The following PLAGL1 variants were observed in gnomAD, a reference collection of about 807,000 sequenced individuals.
The protein encoded by PLAGL1 is PLAG1 like zinc finger 1.
Under a neutral mutation model 4.6 loss-of-function variants are expected in PLAGL1, and 1 was observed. That is an observed-to-expected ratio of 0.22 (90% confidence interval 0.08 to 1.03). The LOEUF is 1.03. Ranked by LOEUF, PLAGL1 falls within the 50% of genes least tolerant of loss-of-function variation. The pLI, the probability that PLAGL1 is intolerant of heterozygous loss-of-function variation, is 0.58. For missense variants in PLAGL1, 464 were observed against 570.4 expected (o/e 0.81, Z 1.90); for synonymous variants, 240 against 237.8 (o/e 1.01, Z -0.08).
At chr6:144,014,030 A>G (rs766495040) in intron 1 of PLAGL1, among the ~76,000 whole-genome samples, 1 of 152,184 alleles carries the variant, frequency 6.6e-6, no homozygotes, top group Non-Finnish European at 1.5e-5. Context: ...CTTTATATGG[A>G]AATGAAAAGA....
Position 144,000,411 on chromosome 6 carries a change from A to G in PLAGL1, c.-584+7679T>C, listed in dbSNP as rs561844138. On this transcript the variant is annotated intron_variant, in intron 1 of 7. Coordinates refer to ENST00000674357, the MANE Select transcript of PLAGL1 (RefSeq NM_001317162.2). This position sits in a 1 kb window ranked among gnomAD's most constrained non-coding sequence, Gnocchi z 4.1. ...AGTAACTAGCTGGTTAGAAAATAAG[A>G]AACTAAGAGAAACTATTCACAGTAG... Among the ~76,000 whole-genome samples the G allele has an allele frequency of 4.0e-4, 61 of 152,304 alleles. No homozygotes were observed. Among genetic ancestry groups the G allele is most frequent in the African/African-American group, 1.4e-3 (59 of 41,598 alleles).
rs2128564085 is a variant in PLAGL1 at position 143,964,880 on chromosome 6, AAAAC to A, written c.-430-66_-430-63del. 1 of 152,384 alleles carries A rather than the reference AAAAC, an allele frequency of 6.6e-6. No homozygotes were observed. Among genetic ancestry groups the A allele is most frequent in the East Asian group, 1.9e-4 (1 of 5,184 alleles). 9.4% of individuals were successfully genotyped at this position (152,384 alleles called of 1,614,324 possible). ...TCTTTATCTTGAGCTCTGAATTGCT[AAAAC>A]AAACAAAAACACCCAAGTGGGGGGG... On this transcript the variant is annotated intron_variant, in intron 4 of 7. Transcript: ENST00000674357. The surrounding 1 kb of genome is among the most constrained non-coding windows in gnomAD (Gnocchi z 4.3).
At chr6:144,029,269 C>T (rs1562589661) in intron 1 of PLAGL1, among the ~76,000 whole-genome samples, 1 of 151,966 alleles carries the variant, frequency 6.6e-6, no homozygotes, top group East Asian at 1.9e-4. Flanking sequence ...GCACAAACCC[C>T]AACAGCCACA....
Position 143,941,926 on chromosome 6 carries a change from G to C in PLAGL1, c.890C>G (p.Pro297Arg). 1 of 1,610,274 alleles carries C rather than the reference G, an allele frequency of 6.2e-7. No homozygotes were observed. The highest frequency in any genetic ancestry group is 8.5e-7 in the Non-Finnish European group (1 of 1,177,582). ...GGTGTTGTACTTGTGATTGGGAAGG[G>C]GTGGCGGAGGAGAGCCAGGGGATAC... ...PSVSPGSPPP[P>R]LPNHKYNTTS... The change falls in exon 8 of 8, where the codon CCC becomes CGC. Residue 297 changes from proline (P) to arginine (R), a missense_variant. By Grantham distance (103) the Pro-to-Arg change is moderately radical. Coordinates refer to ENST00000674357, the MANE Select transcript of PLAGL1 (RefSeq NM_001317162.2). This position sits in a 1 kb window ranked among gnomAD's most constrained non-coding sequence, Gnocchi z 6.0.
At position 144,036,156 on chromosome 6, in the gene PLAGL1, A is replaced by G. The variant is rs1797224896; in HGVS notation, c.-151+28312T>C. Among the ~76,000 whole-genome samples the G allele has an allele frequency of 6.6e-6, 1 of 152,164 alleles. No homozygotes were observed. The highest frequency in any genetic ancestry group is 2.1e-4 in the South Asian group (1 of 4,826). On this transcript the variant is annotated intron_variant, in intron 1 of 3. Coordinates refer to the PLAGL1 transcript ENST00000437412. This position sits in a 1 kb window ranked among gnomAD's most constrained non-coding sequence, Gnocchi z 5.1. ...CTCTGCCTCCAGAATGACTCCTTCC[A>G]ATGCTCACTAATGCTTAGGGGCCTG...
Position 144,004,951 on chromosome 6 carries a change from C to T in PLAGL1, c.-584+3139G>A, listed in dbSNP as rs887489383. 2 of 147,322 alleles carry T rather than the reference C, an allele frequency of 1.4e-5. No individual in the cohort carries two copies. The highest frequency in any genetic ancestry group is 5.0e-5 in the African/African-American group (2 of 40,196). 9.1% of individuals were successfully genotyped at this position (147,322 alleles called of 1,614,324 possible). A position where few individuals can be genotyped will look rare whatever the true frequency, so the allele number is the denominator to read the frequency against. On this transcript the variant is annotated intron_variant, in intron 1 of 7. Coordinates refer to ENST00000674357, the MANE Select transcript of PLAGL1 (RefSeq NM_001317162.2). This position sits in a 1 kb window ranked among gnomAD's most constrained non-coding sequence, Gnocchi z 4.2. ...GAGATTTTATTCATATATATATATA[C>T]ATTTATATAAATATATTTAATTTTT...
chr6:143,951,972 T>A (rs914914230), intron 6 of PLAGL1, among the ~76,000 whole-genome samples: 1 of 152,214 alleles, frequency 6.6e-6, no homozygotes, highest in African/African-American at 2.4e-5. Flanking sequence ...TAACTATGTA[T>A]TTCTTCCATA....
Position 144,050,488 on chromosome 6 carries a change from T to C in PLAGL1, c.-151+13980A>G, listed in dbSNP as rs1798501052. Among the ~76,000 whole-genome samples the C allele has an allele frequency of 6.6e-6, 1 of 152,246 alleles. No individual in the cohort carries two copies. Among genetic ancestry groups the C allele is most frequent in the East Asian group, 1.9e-4 (1 of 5,200 alleles). ...AGAGAAAGATTCTTCTACACTCTTTTAAGGCTGTCTCTTCTCTATGTTTAT... is the reference window on the plus strand; with the variant it reads ...AGAGAAAGATTCTTCTACACTCTTTCAAGGCTGTCTCTTCTCTATGTTTAT... On this transcript the variant is annotated intron_variant, in intron 1 of 3. Transcript: ENST00000437412. This position sits in a 1 kb window ranked among gnomAD's most constrained non-coding sequence, Gnocchi z 4.3.
chr6:144,013,069 G>T (rs530729533), upstream of PLAGL1, among the ~76,000 whole-genome samples: 1 of 152,290 alleles, frequency 6.6e-6, no homozygotes, highest in South Asian at 2.1e-4. The surrounding 1 kb of genome is among the most constrained non-coding windows in gnomAD (Gnocchi z 4.4). Flanking sequence ...TTGCCAGCGT[G>T]GTCACTGTAG....
rs116909908 is a variant in PLAGL1 at position 143,952,536 on chromosome 6, T to C, written c.-324-4076A>G. 9.5e-3 allele frequency among the ~76,000 whole-genome samples: 1,450 copies of C among 152,246 alleles called. 7 individuals carry two copies. Among genetic ancestry groups the C allele is most frequent in the Non-Finnish European group, 0.014 (950 of 68,010 alleles). ...GCCATCTGCTTCGTTCTGCTCATGT[T>C]GATTATTTTGGGGATGAGAGAGGAT... On this transcript the variant is annotated intron_variant, in intron 6 of 7. Coordinates refer to ENST00000674357, the MANE Select transcript of PLAGL1 (RefSeq NM_001317162.2). The surrounding 1 kb of genome is among the most constrained non-coding windows in gnomAD (Gnocchi z 6.1).
rs947293467 is a variant in PLAGL1 at position 143,994,199 on chromosome 6, C to T, written c.-583-9025G>A. On this transcript the variant is annotated intron_variant, in intron 1 of 7. Transcript: ENST00000674357. The surrounding 1 kb of genome is among the most constrained non-coding windows in gnomAD (Gnocchi z 4.3). ...GACCAGGGACTCCCTAAAGTATACT[C>T]GTGAAATTTATAACTTACAATGTGG... Among the ~76,000 whole-genome samples the T allele has an allele frequency of 1.3e-5, 2 of 152,042 alleles. No individual in the cohort carries two copies. The highest frequency in any genetic ancestry group is 4.8e-5 in the African/African-American group (2 of 41,392).
rs1789861175 is a variant in PLAGL1 at position 143,989,183 on chromosome 6, T to C, written c.-583-4009A>G. 6.6e-6 allele frequency among the ~76,000 whole-genome samples: 1 copy of C among 152,010 alleles called. No homozygotes were observed. The highest frequency in any genetic ancestry group is 2.1e-4 in the South Asian group (1 of 4,818). On this transcript the variant is annotated intron_variant, in intron 1 of 7. Coordinates refer to ENST00000674357, the MANE Select transcript of PLAGL1 (RefSeq NM_001317162.2). The surrounding 1 kb of genome is among the most constrained non-coding windows in gnomAD (Gnocchi z 4.8). ...TGTCTGGGGGTGCCCCAGGGGACATTAAAAACGCACAGAAACAATAGAGTG... is the reference window on the plus strand; with the variant it reads ...TGTCTGGGGGTGCCCCAGGGGACATCAAAAACGCACAGAAACAATAGAGTG...
At chr6:144,045,941 A>T (rs1056489738) in intron 1 of PLAGL1, among the ~76,000 whole-genome samples, 3 of 152,094 alleles carry the variant, frequency 2.0e-5, no homozygotes, top group Non-Finnish European at 4.4e-5. Flanking sequence ...TTGATCTTCA[A>T]TCACTGATAC....
rs1235125469 is a variant in PLAGL1 at position 143,978,443 on chromosome 6, T to A, written c.-544+6692A>T. On this transcript the variant is annotated intron_variant, in intron 2 of 7. Coordinates refer to ENST00000674357, the MANE Select transcript of PLAGL1 (RefSeq NM_001317162.2). The surrounding 1 kb of genome is among the most constrained non-coding windows in gnomAD (Gnocchi z 4.6). ...TTGATCCATGGGTTATTTAGAAGCATACTGTTTAATTTCCAAATATTTGGA... is the reference window on the plus strand; with the variant it reads ...TTGATCCATGGGTTATTTAGAAGCAAACTGTTTAATTTCCAAATATTTGGA... 6.6e-6 allele frequency among the ~76,000 whole-genome samples: 1 copy of A among 152,240 alleles called. No homozygotes were observed. The highest frequency in any genetic ancestry group is 1.5e-5 in the Non-Finnish European group (1 of 68,032).
chr6:143,967,503 C>G (rs1280614567), intron 3 of PLAGL1: 1 of 152,114 alleles, frequency 6.6e-6, no homozygotes, highest in Non-Finnish European at 1.5e-5. Flanking sequence ...TATCCCTGTG[C>G]TTTCACATTT....
rs1784488592 is a variant in PLAGL1 at position 143,966,736 on chromosome 6, C to A, written c.-471-538G>T. ...GTTATAGTATAAGCATGCATAATTT[C>A]TAGCATTTTAAACATTGATAGAGAA... On this transcript the variant is annotated intron_variant, in intron 3 of 7. Transcript: ENST00000674357. The surrounding 1 kb of genome is among the most constrained non-coding windows in gnomAD (Gnocchi z 6.0). 2 of 152,162 alleles carry A rather than the reference C, an allele frequency of 1.3e-5. No individual in the cohort carries two copies. Among genetic ancestry groups the A allele is most frequent in the South Asian group, 2.1e-4 (1 of 4,834 alleles). The allele number at this position is 152,162 out of a possible 1,614,324, so 9.4% of individuals were successfully genotyped here. A position where few individuals can be genotyped will look rare whatever the true frequency, so the allele number is the denominator to read the frequency against.
At chr6:143,976,889 T>A (rs151121250) in intron 2 of PLAGL1, among the ~76,000 whole-genome samples, 1 of 152,372 alleles carries the variant, frequency 6.6e-6, no homozygotes, top group East Asian at 1.9e-4. Context: ...AACATAGACA[T>A]GTAGTGCTAC....
Position 143,984,308 on chromosome 6 carries a change from T to C in PLAGL1, c.-544+827A>G, listed in dbSNP as rs1788560976. Reference sequence around the variant, plus strand: ...GTGGAGCACCAGTTCAATGGTATATTTGGTGAGGTAGGGGTTGTATGGTGA... The same window carrying C: ...GTGGAGCACCAGTTCAATGGTATATCTGGTGAGGTAGGGGTTGTATGGTGA... On this transcript the variant is annotated intron_variant, in intron 2 of 7. Coordinates refer to ENST00000674357, the MANE Select transcript of PLAGL1 (RefSeq NM_001317162.2). The surrounding 1 kb of genome is among the most constrained non-coding windows in gnomAD (Gnocchi z 5.5). Among the ~76,000 whole-genome samples, 1 of 152,152 alleles carries C rather than the reference T, an allele frequency of 6.6e-6. No homozygotes were observed. The highest frequency in any genetic ancestry group is 1.9e-4 in the East Asian group (1 of 5,200).
chr6:144,012,500 G>A (rs1795257921), upstream of PLAGL1, among the ~76,000 whole-genome samples: 1 of 152,130 alleles, frequency 6.6e-6, no homozygotes, highest in Non-Finnish European at 1.5e-5. The surrounding 1 kb of genome is among the most constrained non-coding windows in gnomAD (Gnocchi z 4.8). Context: ...GTCTCCCAAA[G>A]TGCTGGGATT....
Sources: allele counts gnomAD v4.1 joint callset (sites outside exome capture counted in the v4.1 genomes callset), GRCh38; gene constraint gnomAD v4.1.1; non-coding constraint Gnocchi (gnomAD v3.1); transcripts MANE v1.5; gene names NCBI Gene and HGNC (gene_info 2026-07-23, HGNC 2026-07-21).